Variants in LAMC1 observed in about 807,000 individuals in gnomAD.
LAMC1 encodes laminin subunit gamma 1, also known as laminin subunit gamma-1.
In LAMC1, 38 loss-of-function variants were observed where a neutral mutation model predicts 173.6. The observed-to-expected ratio is 0.22, with a 90% CI of 0.17 to 0.29. The LOEUF is 0.29. Among genes scored for constraint, LAMC1 ranks in the 10% least tolerant of loss-of-function variants. The probability of loss-of-function intolerance (pLI) is 1.00; values close to 1 mark genes in which losing one functional copy is unlikely to be tolerated. For missense variants in LAMC1, 1,824 were observed against 2,051.8 expected, an observed-to-expected ratio of 0.89 and a Z score of 2.14; for synonymous variants, 746 against 749.1, an observed-to-expected ratio of 1.00 and a Z score of 0.07.
chr1:183,071,869 G>A (rs191417819), intron 1 of LAMC1, among the ~76,000 whole-genome samples: 49 of 152,242 alleles, frequency 3.2e-4, no homozygotes, highest in Admixed American at 3.0e-3. Flanking sequence ...GGAAAACAAG[G>A]TTATATTCTG....
At chr1:183,070,853 A>AG (rs1443030919) in intron 1 of LAMC1, among the ~76,000 whole-genome samples, 1 of 152,152 alleles carries the variant, frequency 6.6e-6, no homozygotes, top group Non-Finnish European at 1.5e-5. Flanking sequence ...GGTAGGGATG[A>AG]GTTCAAAGAA....
intron 3 of LAMC1, 120 bp downstream of exon 3, chr1:183,108,526 G>A (rs1656053611): frequency 2.4e-6 from 2 of 820,084 alleles, no homozygotes; most frequent in African/African-American, 3.5e-5. Flanking sequence ...CCAAGAATAG[G>A]AGCGGCAGTC....
In LAMC1 at chr1:183,081,854, A is replaced by G. The variant is rs75314827; in HGVS notation, c.419-21474A>G. On this transcript the variant is annotated intron_variant, in intron 1 of 27. Transcript: ENST00000258341. ...GTTTCATGATATGTGCTGTTACAGTATCATTCAAAATAGTTTCACTGCCCT... is the reference window on the plus strand; with the variant it reads ...GTTTCATGATATGTGCTGTTACAGTGTCATTCAAAATAGTTTCACTGCCCT... 5.9e-4 allele frequency among the ~76,000 whole-genome samples: 90 copies of G among 152,294 alleles called. 3 individuals are homozygous for G. In the East Asian group the frequency reaches 0.017, roughly 29 times the overall value.
intron 11 of LAMC1, among the ~76,000 whole-genome samples, chr1:183,121,047 T>C (rs1656456347): frequency 6.6e-6 from 1 of 152,204 alleles, no homozygotes; most frequent in Non-Finnish European, 1.5e-5. Context: ...CAAATGATTG[T>C]CTGATGCTTT....
At chr1:183,117,015 T>G in intron 8 of LAMC1, 112 bp downstream of exon 8, 1 of 1,103,636 alleles carries the variant, frequency 9.1e-7, no homozygotes, top group Middle Eastern at 2.2e-4. Flanking sequence ...GGCAACACTT[T>G]GTATTATTTA....
intron 1 of LAMC1, among the ~76,000 whole-genome samples, chr1:183,081,495 G>A (rs1655274877): frequency 6.6e-6 from 1 of 151,530 alleles, no homozygotes; most frequent in Admixed American, 6.6e-5. Context: ...CTACAGTGAG[G>A]TGAGATTGTG....
chr1:183,132,492 C>G lies in LAMC1; in HGVS notation c.3659C>G (p.Ala1220Gly). 6.2e-7 allele frequency: 1 copy of G among 1,613,680 alleles called. No individual in the cohort carries two copies. The highest frequency in any genetic ancestry group is 8.5e-7 in the Non-Finnish European group (1 of 1,179,750). Residue 1220 changes from alanine to glycine, a missense_variant, in exon 21 of 28, where the codon GCA (alanine) becomes GGA (glycine). Coordinates refer to ENST00000258341, the MANE Select transcript of LAMC1 (RefSeq NM_002293.4). ...EAYNLLLRTL[A>G]GENQTAFEIE... is the part of the protein sequence containing the mutation. ...TACAACCTGCTTCTGAGGACACTGG[C>G]AGGAGAAAATCAAACAGCATTTGAG...
At chr1:183,126,373 G>A (rs1170530164) in intron 16 of LAMC1, 111 bp downstream of exon 16, 3 of 1,085,956 alleles carry the variant, frequency 2.8e-6, no homozygotes, top group Non-Finnish European at 4.0e-6. Flanking sequence ...TCATAGTCAG[G>A]GCTGTACCTA....
In LAMC1 at chr1:183,040,360, A is replaced by G. The variant is rs145780311; in HGVS notation, c.418+16226A>G. Among the ~76,000 whole-genome samples the G allele has an allele frequency of 1.1e-3, 165 of 152,372 alleles. 1 individual carries two copies. The highest frequency in any genetic ancestry group is 3.9e-3 in the African/African-American group (162 of 41,586). ...TTCAAACAGGAAGTCTCAAGGAAGC[A>G]CAGTAACTTTGTCAGAGGAACAAAA... On this transcript the variant is annotated intron_variant, in intron 1 of 27. Transcript: ENST00000258341.
intron 17 of LAMC1, among the ~76,000 whole-genome samples, chr1:183,128,205 T>A (rs189842405): frequency 8.5e-5 from 13 of 152,234 alleles, no homozygotes; most frequent in African/African-American, 3.1e-4. Context: ...TGAGTGGAGG[T>A]ATCACGAAGG....
intron 1 of LAMC1, among the ~76,000 whole-genome samples, chr1:183,033,698 T>C (rs1353210866): frequency 1.3e-5 from 2 of 152,102 alleles, no homozygotes; most frequent in Admixed American, 6.5e-5. Context: ...GGAGAAACTT[T>C]TATTTTTTTT....
chr1:183,131,248 A>C (rs1190793037), intron 19 of LAMC1, 51 bp from the exon 20 acceptor site: 2 of 1,423,006 alleles, frequency 1.4e-6, no homozygotes, highest in Non-Finnish European at 2.0e-6. Flanking sequence ...TTGCTTTATT[A>C]AATGTAAATA....
Position 183,072,123 on chromosome 1 carries a change from T to A in LAMC1, c.419-31205T>A, listed in dbSNP as rs114651675. Among the ~76,000 whole-genome samples, 364 of 152,388 alleles carry A rather than the reference T, an allele frequency of 2.4e-3. 3 individuals are homozygous for A. The highest frequency in any genetic ancestry group is 8.3e-3 in the African/African-American group (345 of 41,594). On this transcript the variant is annotated intron_variant, in intron 1 of 27. Coordinates refer to ENST00000258341, the MANE Select transcript of LAMC1 (RefSeq NM_002293.4). ...CCTTTTGAAAATTAAAGGAACTGTT[T>A]GATTTGGAGCTAAGAACAAATAATA...
At chr1:183,055,310 C>G (rs946353431) in intron 1 of LAMC1, among the ~76,000 whole-genome samples, 3 of 151,788 alleles carry the variant, frequency 2.0e-5, no homozygotes, top group Admixed American at 6.6e-5. Context: ...TTTATCATTT[C>G]TCTTCCTAGT....
intron 1 of LAMC1, among the ~76,000 whole-genome samples, chr1:183,084,753 G>A (rs899187522): frequency 3.3e-5 from 5 of 152,018 alleles, no homozygotes; most frequent in African/African-American, 9.7e-5. Context: ...TCCTTACGAC[G>A]CATCCTTTTT....
At chr1:183,130,266 A>T in intron 18 of LAMC1, 78 bp from the exon 19 acceptor site, 1 of 1,266,214 alleles carries the variant, frequency 7.9e-7, no homozygotes, top group Admixed American at 1.8e-5. Flanking sequence ...GTAGAGATAC[A>T]TAGGGCCTCA....
Position 183,080,131 on chromosome 1 carries a change from C to T in LAMC1, c.419-23197C>T, listed in dbSNP as rs576440907. ...TGGTGGTGCACATGTGTAATCCCAG[C>T]TACTCTGGAGGCTGAGGCAGGTGAA... On this transcript the variant is annotated intron_variant, in intron 1 of 27. Coordinates refer to ENST00000258341, the MANE Select transcript of LAMC1 (RefSeq NM_002293.4). 3.3e-5 allele frequency among the ~76,000 whole-genome samples: 5 copies of T among 152,204 alleles called. No homozygotes were observed. The South Asian group carries it at 8.3e-4, about 25-fold the overall frequency.
chr1:183,125,490 A>G lies in LAMC1; in HGVS notation c.2741A>G (p.Gln914Arg), dbSNP rs2102095605. Reference protein sequence around the residue: ...QCECLPHVTGQDCGACDPGFY... With the variant: ...QCECLPHVTGRDCGACDPGFY... ...GAATGTTTGCCTCACGTGACTGGCC[A>G]GGACTGTGGTGCTTGTGACCCTGGA... Residue 914 changes from glutamine (Q) to arginine (R), a missense_variant, in exon 15 of 28, where the codon CAG becomes CGG. Physicochemically the swap from Gln to Arg is conservative, Grantham distance 43. Transcript: ENST00000258341. The G allele has an allele frequency of 6.2e-7, 1 of 1,613,942 alleles. No homozygotes were observed. Among genetic ancestry groups the G allele is most frequent in the South Asian group, 1.1e-5 (1 of 91,048 alleles).
Position 183,050,076 on chromosome 1 carries a change from A to C in LAMC1, c.418+25942A>C, listed in dbSNP as rs568507496. ...TGTTATCTGCCAGTTGACCTTTATC[A>C]ATCAGATTTCAAAGTTGGTGTTGGT... On this transcript the variant is annotated intron_variant, in intron 1 of 27. Coordinates refer to ENST00000258341, the MANE Select transcript of LAMC1 (RefSeq NM_002293.4). Among the ~76,000 whole-genome samples, 5 of 152,250 alleles carry C rather than the reference A, an allele frequency of 3.3e-5. No homozygotes were observed. In the South Asian group the frequency reaches 8.3e-4, roughly 25 times the overall value.
Sources: gnomAD v4.1 joint callset for allele counts (sites outside exome capture counted in the v4.1 genomes callset) on GRCh38, gnomAD v4.1.1 for gene constraint, MANE v1.5 for transcripts, NCBI Gene and HGNC (gene_info 2026-07-23, HGNC 2026-07-21) for gene names.